The following CTSO variants were observed in gnomAD, a reference collection of about 807,000 sequenced individuals.
CTSO encodes the protein cathepsin O.
Under a neutral mutation model 42.4 loss-of-function variants are expected in CTSO, and 40 were observed. That is an observed-to-expected ratio of 0.94 (90% CI 0.73 to 1.23). The LOEUF (loss-of-function observed/expected upper bound fraction) is 1.23, where lower values mean the gene tolerates loss of function less well. CTSO is among the 50% of genes most tolerant of loss of function. The pLI, the probability that CTSO is intolerant of heterozygous loss-of-function variation, is 0.00. For missense variants in CTSO, 441 were observed against 396.0 expected, an observed-to-expected ratio of 1.11 and a Z score of -0.96; for synonymous variants, 156 against 146.2, an observed-to-expected ratio of 1.07 and a Z score of -0.48.
intron 1 of CTSO, among the ~76,000 whole-genome samples, chr4:155,948,907 A>G (rs1314714760): frequency 1.3e-5 from 2 of 152,192 alleles, no homozygotes; most frequent in African/African-American, 4.8e-5. Context: ...TACTTCCCTG[A>G]GGGGAAAAAT....
At chr4:155,936,832 A>G (rs1743339639) in intron 5 of CTSO, among the ~76,000 whole-genome samples, 1 of 152,072 alleles carries the variant, frequency 6.6e-6, no homozygotes, top group Non-Finnish European at 1.5e-5. Context: ...TCTTTTCTCT[A>G]ATCTGAAGTT....
intron 1 of CTSO, among the ~76,000 whole-genome samples, chr4:155,948,705 T>C (rs765160631): frequency 6.6e-6 from 1 of 152,226 alleles, no homozygotes; most frequent in Non-Finnish European, 1.5e-5. Flanking sequence ...AACATTTTTC[T>C]TACAGGATCA....
Position 155,942,464 on chromosome 4 carries a change from G to T in CTSO, c.245-8C>A. The T allele has an allele frequency of 6.8e-7, 1 of 1,474,468 alleles. No individual in the cohort carries two copies. The highest frequency in any genetic ancestry group is 9.0e-7 in the Non-Finnish European group (1 of 1,108,568). The allele number at this position is 1,474,468 out of a possible 1,614,324, so 91.3% of individuals were successfully genotyped here. ...TGCTTCTTAAATAAATGGCTGAGTA[G>T]AAACATAAAATGAAAATACAACCAA... On this transcript the variant is annotated splice_polypyrimidine_tract_variant and splice_region_variant and intron_variant, in intron 2 of 7. Transcript: ENST00000433477.
intron 1 of CTSO, among the ~76,000 whole-genome samples, chr4:155,944,374 G>C (rs1743503569): frequency 6.6e-6 from 1 of 152,106 alleles, no homozygotes; most frequent in Non-Finnish European, 1.5e-5. Context: ...ATGAAGCAAG[G>C]CTTTCAATAT....
chr4:155,935,681 T>G (rs997480767), intron 5 of CTSO, among the ~76,000 whole-genome samples: 1 of 152,172 alleles, frequency 6.6e-6, no homozygotes, highest in Non-Finnish European at 1.5e-5. Context: ...GTATTTTTAT[T>G]TTTTGTGACT....
At chr4:155,948,896 C>T (rs1005706332) in intron 1 of CTSO, among the ~76,000 whole-genome samples, 4 of 152,216 alleles carry the variant, frequency 2.6e-5, no homozygotes, top group African/African-American at 9.7e-5. Context: ...TTTCCTTAAT[C>T]TACTTCCCTG....
At chr4:155,949,837 G>A (rs1432282427) in intron 1 of CTSO, among the ~76,000 whole-genome samples, 3 of 152,154 alleles carry the variant, frequency 2.0e-5, no homozygotes, top group African/African-American at 7.2e-5. Flanking sequence ...GTCATACTGG[G>A]GATTGTCATA....
Position 155,924,675 on chromosome 4 carries a change from T to G in CTSO, c.*1361A>C, listed in dbSNP as rs2110896756. 1 of 152,308 alleles carries G rather than the reference T, an allele frequency of 6.6e-6. No homozygotes were observed. The highest frequency in any genetic ancestry group is 1.9e-4 in the East Asian group (1 of 5,182). The allele number at this position is 152,308 out of a possible 1,614,324, so 9.4% of individuals were successfully genotyped here. ...TGTATTGATTCATTTAATATGGTTGTGCTTATATTCAATCAGAAGGTCAAC... is the reference window on the plus strand; with the variant it reads ...TGTATTGATTCATTTAATATGGTTGGGCTTATATTCAATCAGAAGGTCAAC... On this transcript the variant is annotated 3_prime_UTR_variant, in exon 8 of 8. Coordinates refer to ENST00000433477, the MANE Select transcript of CTSO (RefSeq NM_001334.3).
Position 155,926,033 on chromosome 4 carries a change from A to G in CTSO, c.*3T>C, listed in dbSNP as rs753883121. The stretch of plus-strand genomic sequence containing the variant: ...GTAGCTGTCTCTTGATCTGCCCAAC[A>G]TGTCACACAAATATAGAAGAAACGG... On this transcript the variant is annotated 3_prime_UTR_variant, in exon 8 of 8. Coordinates refer to ENST00000433477, the MANE Select transcript of CTSO (RefSeq NM_001334.3). 26 of 1,604,410 alleles carry G rather than the reference A, an allele frequency of 1.6e-5. No homozygotes were observed. The highest frequency in any genetic ancestry group is 1.3e-5 in the African/African-American group (1 of 74,648).
chr4:155,933,026 C>T (rs1221423372), intron 5 of CTSO, among the ~76,000 whole-genome samples: 6 of 152,022 alleles, frequency 3.9e-5, no homozygotes, highest in Admixed American at 3.9e-4. Flanking sequence ...TATACATACC[C>T]CTCATCTCTC....
At position 155,928,336 on chromosome 4, in the gene CTSO, C is replaced by T. The variant is rs754573261; in HGVS notation, c.931G>A (p.Gly311Ser). The T allele has an allele frequency of 4.4e-6, 7 of 1,605,858 alleles. No individual in the cohort carries two copies. In the South Asian group the frequency reaches 7.8e-5, roughly 18 times the overall value. ...TTTTAAACACAAACTCATGACTTAC[C>T]ACAAACATTACTTCCCATTTTGACA... ...AHVKMGSNVC[G>S]IADSVSSIFV Residue 311 changes from glycine (G) to serine (S), a missense_variant and splice_region_variant, in exon 7 of 8, where the codon GGT becomes AGT. By Grantham distance (56) the Gly-to-Ser change is moderately conservative. Transcript: ENST00000433477.
At chr4:155,952,845 G>T (rs1365812441) in intron 1 of CTSO, among the ~76,000 whole-genome samples, 2 of 152,278 alleles carry the variant, frequency 1.3e-5, no homozygotes, top group East Asian at 1.9e-4. Flanking sequence ...CAGAATGAAA[G>T]AATTTTCTTT....
chr4:155,937,435 T>C lies in CTSO; in HGVS notation c.601A>G (p.Asn201Asp), dbSNP rs376527696. 116 of 1,612,968 alleles carry C rather than the reference T, an allele frequency of 7.2e-5. No individual in the cohort carries two copies. The highest frequency in any genetic ancestry group is 9.2e-5 in the Non-Finnish European group (109 of 1,179,206). ...KDSEYPFKAQ[N>D]GLCHYFSGSH... ...CCAGAAAAGTAATGGCACAGACCAT[T>C]TTGTGCTTTAAAAGGATATTCTGAA... Residue 201 changes from asparagine (N) to aspartate (D), a missense_variant, in exon 5 of 8, where the codon AAT becomes GAT. Asn to Asp is a conservative substitution (Grantham distance 23, BLOSUM62 1). Coordinates refer to ENST00000433477, the MANE Select transcript of CTSO (RefSeq NM_001334.3).
intron 1 of CTSO, among the ~76,000 whole-genome samples, chr4:155,950,852 ACCCC>A (rs113950397): frequency 6.7e-6 from 1 of 148,584 alleles, no homozygotes; most frequent in South Asian, 2.1e-4. Flanking sequence ...TCCTCACCCC[ACCCC>A]CACACCCCAG....
At chr4:155,945,971 G>T (rs1743538482) in intron 1 of CTSO, among the ~76,000 whole-genome samples, 1 of 151,922 alleles carries the variant, frequency 6.6e-6, no homozygotes, top group Admixed American at 6.6e-5. Flanking sequence ...GGTATAGACT[G>T]GTACGCCCTT....
At chr4:155,947,987 T>A (rs1051065352) in intron 1 of CTSO, among the ~76,000 whole-genome samples, 3 of 152,200 alleles carry the variant, frequency 2.0e-5, no homozygotes, top group African/African-American at 7.2e-5. Context: ...AAAAATTAGA[T>A]CTTACATGAG....
chr4:155,928,555 T>C, intron 6 of CTSO, 127 bp from the exon 7 acceptor site: 2 of 641,680 alleles, frequency 3.1e-6, no homozygotes, highest in Non-Finnish European at 5.3e-6. Context: ...AAAAATGTAA[T>C]TTAATGGTAA....
chr4:155,929,391 A>G, intron 6 of CTSO, 151 bp downstream of exon 6: 1 of 721,224 alleles, frequency 1.4e-6, no homozygotes, highest in East Asian at 2.9e-5. Context: ...GTCTCGGCAC[A>G]TTTACTCCTA....
intron 1 of CTSO, among the ~76,000 whole-genome samples, chr4:155,947,095 C>G (rs1490958749): frequency 3.3e-5 from 5 of 152,100 alleles, no homozygotes; most frequent in Middle Eastern, 3.2e-3. Flanking sequence ...CTCCTGACCT[C>G]GTGGTCTGCC....
Sources: gnomAD v4.1 joint callset for allele counts (sites outside exome capture counted in the v4.1 genomes callset) on GRCh38, gnomAD v4.1.1 for gene constraint, MANE v1.5 for transcripts, NCBI Gene and HGNC (gene_info 2026-07-23, HGNC 2026-07-21) for gene names.